NDST4: variants seen among roughly 807,000 people sequenced by gnomAD.
NDST4 encodes N-deacetylase and N-sulfotransferase 4.
In NDST4, 63 loss-of-function variants were observed where a neutral mutation model predicts 100.8. That is an observed-to-expected ratio of 0.62 (90% CI 0.51 to 0.77). The LOEUF (loss-of-function observed/expected upper bound fraction) is 0.77. NDST4 is among the 30% of genes least tolerant of loss of function. NDST4 has a pLI of 0.00. For synonymous variants in NDST4, 377 were observed against 361.8 expected, an observed-to-expected ratio of 1.04 and a Z score of -0.48; for missense variants, 943 against 1,018.4, an observed-to-expected ratio of 0.93 and a Z score of 1.01.
At position 114,882,425 on chromosome 4, in the gene NDST4, A is replaced by C. The variant is rs974313473; in HGVS notation, c.1537-11475T>G. On this transcript the variant is annotated intron_variant, in intron 6 of 13. Coordinates refer to ENST00000264363, the MANE Select transcript of NDST4 (RefSeq NM_022569.3). The stretch of plus-strand genomic sequence containing the variant: ...GAAGAACCACATAGGCCTCCCTGAG[A>C]AGTGCAGCATTTGAATTCTGGCCAC... 3.3e-5 allele frequency among the ~76,000 whole-genome samples: 5 copies of C among 152,108 alleles called. 1 individual carries two copies. In the South Asian group the frequency reaches 1.0e-3, roughly 31 times the overall value.
At chr4:114,877,248 C>G (rs1724274695) in intron 6 of NDST4, among the ~76,000 whole-genome samples, 1 of 152,180 alleles carries the variant, frequency 6.6e-6, no homozygotes, top group Admixed American at 6.6e-5. Flanking sequence ...TTATTTATAA[C>G]AACCCTATAT....
chr4:115,015,773 A>G (rs1727663653), intron 2 of NDST4, among the ~76,000 whole-genome samples: 1 of 152,006 alleles, frequency 6.6e-6, no homozygotes, highest in Non-Finnish European at 1.5e-5. Flanking sequence ...GCAGGAATAA[A>G]TGTTATCCAC....
intron 6 of NDST4, among the ~76,000 whole-genome samples, chr4:114,892,618 G>A (rs1461555555): frequency 6.6e-6 from 1 of 151,878 alleles, no homozygotes; most frequent in Non-Finnish European, 1.5e-5. Flanking sequence ...TTAATTATTT[G>A]TGTGTGTGTG....
At chr4:114,988,352 CTTTTTT>C (rs991019823) in intron 2 of NDST4, among the ~76,000 whole-genome samples, 10 of 64,204 alleles carry the variant, frequency 1.6e-4, no homozygotes, top group East Asian at 5.7e-4. Flanking sequence ...ATACACATAT[CTTTTTT>C]TTTTTTTTTT....
At chr4:115,106,935 G>A (rs981386270) in intron 1 of NDST4, among the ~76,000 whole-genome samples, 2 of 152,086 alleles carry the variant, frequency 1.3e-5, no homozygotes, top group African/African-American at 4.8e-5. Context: ...TAGGAGGATA[G>A]CTTGAGGCCA....
chr4:115,105,894 T>G (rs1221436262), intron 1 of NDST4, among the ~76,000 whole-genome samples: 1 of 152,170 alleles, frequency 6.6e-6, no homozygotes, highest in Non-Finnish European at 1.5e-5. Context: ...CTTTTAGCTT[T>G]TTTCCTTTAA....
intron 5 of NDST4, 116 bp from the exon 6 acceptor site, chr4:114,935,450 T>A: frequency 2.1e-6 from 2 of 942,180 alleles, no homozygotes; most frequent in Non-Finnish European, 2.9e-6. Flanking sequence ...TCTTGGTTGC[T>A]AAGGCCAAAT....
rs62650537 is a variant in NDST4, at chr4:115,021,536, C to A, written c.979-44262G>T. On this transcript the variant is annotated intron_variant, in intron 2 of 13. Transcript: ENST00000264363. ...TACACATTCCATATATACACACGTT[C>A]CACATATACACATTCCATATATACA... Among the ~76,000 whole-genome samples the A allele has an allele frequency of 6.2e-3, 560 of 90,722 alleles. 5 individuals are homozygous for A. Among genetic ancestry groups the A allele is most frequent in the Non-Finnish European group, 9.9e-3 (434 of 43,688 alleles). The allele number at this position is 90,722 out of a possible 152,430, so 59.5% of individuals were successfully genotyped here.
chr4:114,919,137 T>G (rs548697889), intron 6 of NDST4, among the ~76,000 whole-genome samples: 4 of 152,194 alleles, frequency 2.6e-5, no homozygotes, highest in Non-Finnish European at 5.9e-5. Context: ...ATGAAGATAT[T>G]TATCCAACAA....
chr4:114,880,348 A>G (rs1401488065), intron 6 of NDST4, among the ~76,000 whole-genome samples: 1 of 152,116 alleles, frequency 6.6e-6, no homozygotes, highest in East Asian at 1.9e-4. Context: ...ATGATGGGAG[A>G]CAACCAGAGC....
intron 2 of NDST4, among the ~76,000 whole-genome samples, chr4:115,021,139 T>C (rs569854219): frequency 1.3e-5 from 2 of 152,026 alleles, no homozygotes; most frequent in East Asian, 3.9e-4. Flanking sequence ...AATTCGCAGT[T>C]GCAAATGTTG....
intron 1 of NDST4, among the ~76,000 whole-genome samples, chr4:115,082,062 C>G (rs960929354): frequency 6.6e-6 from 1 of 151,928 alleles, no homozygotes; most frequent in Non-Finnish European, 1.5e-5. Context: ...GCTTCATGAC[C>G]CCTGCACAGG....
chr4:115,005,362 A>G lies in NDST4; in HGVS notation c.979-28088T>C, dbSNP rs1235692525. On this transcript the variant is annotated intron_variant, in intron 2 of 13. Coordinates refer to ENST00000264363, the MANE Select transcript of NDST4 (RefSeq NM_022569.3). ...GGTTTGCAGTTTAAATAGGGTGGTA[A>G]TGGCAGGTGTTTCTAAGCTATTGGG... Among the ~76,000 whole-genome samples the G allele has an allele frequency of 4.6e-5, 7 of 152,158 alleles. No homozygotes were observed. The South Asian group carries it at 6.2e-4, about 14-fold the overall frequency.
At chr4:114,996,400 C>T (rs1578440085) in intron 2 of NDST4, among the ~76,000 whole-genome samples, 1 of 152,074 alleles carries the variant, frequency 6.6e-6, no homozygotes, top group Non-Finnish European at 1.5e-5. Flanking sequence ...ATTACTCAGA[C>T]CTGAGTATTT....
At chr4:114,883,917 C>T (rs1724424482) in intron 6 of NDST4, among the ~76,000 whole-genome samples, 1 of 152,078 alleles carries the variant, frequency 6.6e-6, no homozygotes, top group Admixed American at 6.6e-5. Flanking sequence ...CTGACAGAGG[C>T]ATATTTCAGG....
At chr4:115,014,035 T>C (rs1013457387) in intron 2 of NDST4, among the ~76,000 whole-genome samples, 2 of 152,064 alleles carry the variant, frequency 1.3e-5, no homozygotes, top group Admixed American at 6.6e-5. Context: ...GTGACTCAAA[T>C]TGCAGCTGCT....
intron 1 of NDST4, among the ~76,000 whole-genome samples, chr4:115,089,983 A>C (rs1256309067): frequency 2.0e-5 from 3 of 151,830 alleles, no homozygotes; most frequent in Non-Finnish European, 4.4e-5. Flanking sequence ...ATATTTTGGT[A>C]AGCACACAAA....
Position 114,833,706 on chromosome 4 carries a change from T to C in NDST4, c.2296A>G (p.Ile766Val). The C allele has an allele frequency of 1.9e-6, 3 of 1,607,922 alleles. No individual in the cohort carries two copies. Among genetic ancestry groups the C allele is most frequent in the Middle Eastern group, 1.7e-4 (1 of 6,052 alleles). ...TCAGATCTCAGCTGCTGTCCATCAA[T>C]AATTAGCAACTGTAAAGTCAGAAAT... is the stretch of plus-strand genomic sequence containing the variant. ...TYFATSQLLI[I>V]DGQQLRSDPA... The change falls in exon 12 of 14, where the codon ATT (isoleucine) becomes GTT (valine). Residue 766 changes from isoleucine to valine, a missense_variant. Transcript: ENST00000264363.
rs572364018 is a variant in NDST4 at position 114,923,611 on chromosome 4, A to G, written c.1536+11595T>C. Among the ~76,000 whole-genome samples, 8 of 152,200 alleles carry G rather than the reference A, an allele frequency of 5.3e-5. No homozygotes were observed. The South Asian group carries it at 1.2e-3, about 24-fold the overall frequency. On this transcript the variant is annotated intron_variant, in intron 6 of 13. Transcript: ENST00000264363. The stretch of plus-strand genomic sequence containing the variant: ...TCATTAGTCATATAAACACTGATAC[A>G]GGGAGTGTTTTCTTTTCTTTTTTTC...
Sources: gnomAD v4.1 joint callset for allele counts (sites outside exome capture counted in the v4.1 genomes callset) on GRCh38, gnomAD v4.1.1 for gene constraint, MANE v1.5 for transcripts, NCBI Gene and HGNC (gene_info 2026-07-23, HGNC 2026-07-21) for gene names.